The following RAD51B variants were observed in gnomAD, a reference collection of about 807,000 sequenced individuals.
The protein encoded by RAD51B is RAD51 paralog B.
Under a neutral mutation model 42.2 loss-of-function variants are expected in RAD51B, and 38 were observed. The observed-to-expected ratio is 0.90, with a 90% CI of 0.70 to 1.18. The LOEUF is 1.18. Among genes scored for constraint, RAD51B ranks in the 50% most tolerant of loss-of-function variants. The pLI is 0.00. For missense variants in RAD51B, 373 were observed against 400.7 expected, an observed-to-expected ratio of 0.93 and a Z score of 0.59; for synonymous variants, 154 against 145.2, an observed-to-expected ratio of 1.06 and a Z score of -0.43.
intron 10 of RAD51B, among the ~76,000 whole-genome samples, chr14:68,493,988 A>G (rs902576996): frequency 1.9e-4 from 29 of 152,172 alleles, no homozygotes; most frequent in Middle Eastern, 3.2e-3. Context: ...AGAAATGACC[A>G]ATTCTGGCTG....
chr14:68,204,699 A>G (rs1158025480), intron 7 of RAD51B, among the ~76,000 whole-genome samples: 1 of 152,230 alleles, frequency 6.6e-6, no homozygotes, highest in Non-Finnish European at 1.5e-5. Context: ...GATGTGATTT[A>G]ATTTTTTAAA....
intron 7 of RAD51B, among the ~76,000 whole-genome samples, chr14:67,949,503 A>T (rs1230087291): frequency 6.6e-6 from 1 of 152,168 alleles, no homozygotes; most frequent in Admixed American, 6.5e-5. Flanking sequence ...TGCTATTTGT[A>T]TCACATCTAC....
chr14:68,223,278 A>T (rs796595304), intron 7 of RAD51B, among the ~76,000 whole-genome samples: 29 of 152,234 alleles, frequency 1.9e-4, no homozygotes, highest in African/African-American at 6.7e-4. Context: ...CTCATTACTT[A>T]TTAGCCTTGC....
chr14:67,900,957 T>G (rs950621024), intron 7 of RAD51B, among the ~76,000 whole-genome samples: 13 of 152,184 alleles, frequency 8.5e-5, no homozygotes, highest in African/African-American at 3.1e-4. Context: ...TAGGTCCAAG[T>G]TTTTGTCTCA....
chr14:68,673,535 TACAC>T (rs748097334), intron 11 of RAD51B, among the ~76,000 whole-genome samples: 4 of 148,610 alleles, frequency 2.7e-5, no homozygotes, highest in Non-Finnish European at 4.4e-5. Flanking sequence ...CGCACACACA[TACAC>T]ATACATATGT....
intron 7 of RAD51B, among the ~76,000 whole-genome samples, chr14:68,170,816 G>A (rs1001798333): frequency 6.6e-6 from 1 of 152,026 alleles, no homozygotes; most frequent in Non-Finnish European, 1.5e-5. Flanking sequence ...ATTATAATTA[G>A]CAAGTTGCCT....
intron 7 of RAD51B, among the ~76,000 whole-genome samples, chr14:68,132,416 A>G (rs371803959): frequency 2.0e-5 from 3 of 152,242 alleles, no homozygotes; most frequent in African/African-American, 4.8e-5. Context: ...TGGAATATCC[A>G]TGGAGGCATA....
At chr14:67,936,538 A>T (rs2044959998) in intron 7 of RAD51B, among the ~76,000 whole-genome samples, 1 of 152,234 alleles carries the variant, frequency 6.6e-6, no homozygotes, top group South Asian at 2.1e-4. Context: ...GGGTATTATG[A>T]ATAATGCAGT....
chr14:68,134,125 C>G (rs182610141), intron 7 of RAD51B, among the ~76,000 whole-genome samples: 46 of 152,316 alleles, frequency 3.0e-4, no homozygotes, highest in Middle Eastern at 3.4e-3. Context: ...CTCATATTCC[C>G]TAACCTCTGG....
chr14:68,544,776 A>C (rs1190040902), intron 10 of RAD51B, among the ~76,000 whole-genome samples: 1 of 152,210 alleles, frequency 6.6e-6, no homozygotes, highest in African/African-American at 2.4e-5. Flanking sequence ...AAAAAAATGC[A>C]CAAAATCTAC....
intron 8 of RAD51B, among the ~76,000 whole-genome samples, chr14:68,317,243 A>G (rs118005889): frequency 1.4e-3 from 206 of 152,302 alleles, no homozygotes; most frequent in Admixed American, 5.6e-3. Context: ...TCATGGTTAT[A>G]ATGAGAAGGA....
chr14:68,501,062 G>A (rs573859184), intron 10 of RAD51B, among the ~76,000 whole-genome samples: 1 of 152,258 alleles, frequency 6.6e-6, no homozygotes, highest in African/African-American at 2.4e-5. Context: ...TCTTGCCATG[G>A]TTCATGCTGG....
intron 7 of RAD51B, among the ~76,000 whole-genome samples, chr14:67,960,994 G>T (rs961979462): frequency 1.3e-5 from 2 of 151,892 alleles, no homozygotes; most frequent in Non-Finnish European, 2.9e-5. Context: ...GTTATTATTT[G>T]TTCGTTTGTT....
intron 7 of RAD51B, among the ~76,000 whole-genome samples, chr14:68,059,473 A>G (rs780240848): frequency 6.6e-6 from 1 of 152,094 alleles, no homozygotes; most frequent in South Asian, 2.1e-4. Context: ...CATAGCTGCA[A>G]TTATTCTGGA....
At chr14:68,135,960 G>A (rs188085516) in intron 7 of RAD51B, among the ~76,000 whole-genome samples, 251 of 152,154 alleles carry the variant, frequency 1.6e-3, no homozygotes, top group African/African-American at 5.8e-3. Flanking sequence ...CTAATCAGAT[G>A]CCCTCTGCAT....
intron 7 of RAD51B, among the ~76,000 whole-genome samples, chr14:68,233,255 G>A (rs959841715): frequency 3.3e-5 from 5 of 152,174 alleles, no homozygotes; most frequent in African/African-American, 9.7e-5. Flanking sequence ...CACACAGATA[G>A]TGCTTATTAT....
chr14:67,881,082 A>T (rs1429695709), intron 5 of RAD51B, among the ~76,000 whole-genome samples: 1 of 152,080 alleles, frequency 6.6e-6, no homozygotes, highest in Non-Finnish European at 1.5e-5. Flanking sequence ...TACTGTATTG[A>T]ATAGGCAATT....
chr14:68,525,036 AG>A (rs1050233659), intron 10 of RAD51B, among the ~76,000 whole-genome samples: 15 of 152,158 alleles, frequency 9.9e-5, no homozygotes, highest in African/African-American at 3.4e-4. Flanking sequence ...GAAGCAAAAA[AG>A]GTGCTAATCA....
At chr14:68,152,370 G>A (rs2078406706) in intron 7 of RAD51B, among the ~76,000 whole-genome samples, 1 of 152,036 alleles carries the variant, frequency 6.6e-6, no homozygotes, top group South Asian at 2.1e-4. Context: ...TGACAGATAC[G>A]TTGAGAATGT....
Sources: allele counts gnomAD v4.1 joint callset (sites outside exome capture counted in the v4.1 genomes callset), GRCh38; gene constraint gnomAD v4.1.1; transcripts MANE v1.5; gene names NCBI Gene and HGNC (gene_info 2026-07-23, HGNC 2026-07-21).